Variants in GRID1 observed in about 807,000 individuals in gnomAD.
The protein encoded by GRID1 is glutamate receptor ionotropic, delta-1.
A neutral mutation model predicts 98.0 loss-of-function variants in GRID1; 28 were observed. The observed-to-expected ratio is 0.29, with a 90% CI of 0.21 to 0.39. The LOEUF (loss-of-function observed/expected upper bound fraction) is 0.39, where lower values mean the gene tolerates loss of function less well. GRID1 is among the 10% of genes least tolerant of loss of function. The pLI, the probability that GRID1 is intolerant of heterozygous loss-of-function variation, is 1.00. For synonymous variants in GRID1, 553 were observed against 538.5 expected (o/e 1.03, Z -0.37); for missense variants, 1,111 against 1,340.5 (o/e 0.83, Z 2.67).
chr10:86,153,154 C>G (rs188824290), intron 3 of GRID1, among the ~76,000 whole-genome samples: 1 of 152,240 alleles, frequency 6.6e-6, no homozygotes, highest in African/African-American at 2.4e-5. Context: ...GGTGCCAGGT[C>G]AGGTGGCATC....
chr10:85,993,078 C>T (rs970304605), intron 4 of GRID1, among the ~76,000 whole-genome samples: 13 of 152,276 alleles, frequency 8.5e-5, no homozygotes, highest in African/African-American at 2.4e-4. Context: ...CTGAGGGACA[C>T]GGAATGTGAA....
intron 8 of GRID1, among the ~76,000 whole-genome samples, chr10:85,773,220 A>C (rs1842291835): frequency 6.6e-6 from 1 of 152,130 alleles, no homozygotes; most frequent in Admixed American, 6.5e-5. Flanking sequence ...CAAAGACAAA[A>C]ACCACATGAT....
At chr10:86,154,744 G>A (rs139469333) in intron 3 of GRID1, among the ~76,000 whole-genome samples, 410 of 152,278 alleles carry the variant, frequency 2.7e-3, no homozygotes, top group African/African-American at 9.0e-3. Context: ...GCCCACACCT[G>A]AGCTAGGCTG....
chr10:86,014,830 T>C (rs1353303294), intron 4 of GRID1, among the ~76,000 whole-genome samples: 1 of 152,208 alleles, frequency 6.6e-6, no homozygotes, highest in South Asian at 2.1e-4. Flanking sequence ...CGCTGGCCTC[T>C]TATCTGATTG....
In GRID1 at chr10:86,264,820, C is replaced by A. The variant is rs1589431156; in HGVS notation, c.236-58172G>T. 4.3e-6 allele frequency: 2 copies of A among 467,890 alleles called. 1 individual carries two copies. Among genetic ancestry groups the A allele is most frequent in the South Asian group, 3.1e-5 (2 of 63,626 alleles). The allele number at this position is 467,890 out of a possible 1,614,324, so 29.0% of individuals were successfully genotyped here. ...ACGCTCGTCTGTGTCACCGCCGCCC[C>A]TTCCTGGTTGGCCCTGCAGACGAGG... On this transcript the variant is annotated intron_variant, in intron 2 of 15. Transcript: ENST00000327946.
chr10:86,215,894 T>A (rs1846170776), intron 2 of GRID1, among the ~76,000 whole-genome samples: 1 of 152,148 alleles, frequency 6.6e-6, no homozygotes, highest in South Asian at 2.1e-4. Flanking sequence ...GTTTGTGAGA[T>A]CCTCCACCGC....
chr10:85,692,421 G>C (rs776006271), intron 12 of GRID1, among the ~76,000 whole-genome samples: 1 of 152,122 alleles, frequency 6.6e-6, no homozygotes. Flanking sequence ...CAGCACTTTG[G>C]GAGGCTGAGG....
intron 2 of GRID1, among the ~76,000 whole-genome samples, chr10:86,238,231 A>G (rs1406206844): frequency 1.3e-5 from 2 of 152,252 alleles, no homozygotes; most frequent in Non-Finnish European, 1.5e-5. Context: ...AGACCTTTGC[A>G]GCAGCCCTCC....
chr10:85,816,747 T>G (rs1842719947), intron 8 of GRID1, among the ~76,000 whole-genome samples: 1 of 152,322 alleles, frequency 6.6e-6, no homozygotes. Context: ...TGCAGGTTTG[T>G]TATATAGGTA....
chr10:85,830,543 T>A (rs1369384190), intron 8 of GRID1, among the ~76,000 whole-genome samples: 1 of 962 alleles, frequency 1.0e-3, no homozygotes, highest in Non-Finnish European at 2.0e-3. Context: ...GGGAGAAAAA[T>A]TTTGCAAACT....
chr10:85,994,159 A>G (rs1028968730), intron 4 of GRID1, among the ~76,000 whole-genome samples: 1 of 152,216 alleles, frequency 6.6e-6, no homozygotes, highest in African/African-American at 2.4e-5. Flanking sequence ...TGAGCAAACC[A>G]GACCCAGAAA....
intron 12 of GRID1, among the ~76,000 whole-genome samples, chr10:85,699,676 C>A (rs140215053): frequency 4.3e-4 from 65 of 152,128 alleles, no homozygotes; most frequent in Non-Finnish European, 1.5e-4. Context: ...AAGTTTATTT[C>A]TTTACATTGA....
rs959800139 is a variant in GRID1 at position 85,836,682 on chromosome 10, A to C, written c.1233+17814T>G. ...CATGGCCAGGTACAGCTATCTCCCT[A>C]GGCTCAACTTCCTCCTAAATAAGAG... On this transcript the variant is annotated intron_variant, in intron 8 of 15. Coordinates refer to ENST00000327946, the MANE Select transcript of GRID1 (RefSeq NM_017551.3). Among the ~76,000 whole-genome samples, 62 of 152,190 alleles carry C rather than the reference A, an allele frequency of 4.1e-4. 1 individual carries two copies. Among genetic ancestry groups the C allele is most frequent in the African/African-American group, 1.4e-3 (60 of 41,444 alleles).
chr10:85,887,973 G>C (rs896258741), intron 5 of GRID1, among the ~76,000 whole-genome samples: 1 of 151,676 alleles, frequency 6.6e-6, no homozygotes, highest in Non-Finnish European at 1.5e-5. Context: ...TCCTCCTACA[G>C]CCTCTTCTAC....
intron 4 of GRID1, among the ~76,000 whole-genome samples, chr10:86,058,186 C>T (rs540852346): frequency 5.3e-5 from 8 of 152,080 alleles, no homozygotes; most frequent in Non-Finnish European, 1.5e-5. Context: ...CCTCCCCCAG[C>T]CCTCCTATGG....
chr10:86,155,285 G>A (rs1042978231), intron 3 of GRID1, among the ~76,000 whole-genome samples: 1 of 152,196 alleles, frequency 6.6e-6, no homozygotes, highest in African/African-American at 2.4e-5. Context: ...TTTGGCTGTC[G>A]ACGGCCAACC....
chr10:85,634,290 C>CTCTCTT (rs1843011054), intron 13 of GRID1, among the ~76,000 whole-genome samples: 1 of 123,200 alleles, frequency 8.1e-6, no homozygotes, highest in African/African-American at 3.7e-5. Flanking sequence ...CTCTCTCTCT[C>CTCTCTT]TCACACACAC....
intron 4 of GRID1, among the ~76,000 whole-genome samples, chr10:86,071,985 G>C (rs887236803): frequency 6.6e-6 from 1 of 152,216 alleles, no homozygotes; most frequent in African/African-American, 2.4e-5. Context: ...CAAGAGAGGG[G>C]AGAAGGGGCT....
intron 2 of GRID1, among the ~76,000 whole-genome samples, chr10:86,207,848 T>C (rs770513197): frequency 2.0e-4 from 31 of 152,044 alleles, no homozygotes; most frequent in Non-Finnish European, 4.3e-4. Context: ...GCCAGGATGG[T>C]CTCGATCTCC....
Sources: allele counts gnomAD v4.1 joint callset (sites outside exome capture counted in the v4.1 genomes callset), GRCh38; gene constraint gnomAD v4.1.1; transcripts MANE v1.5; gene names NCBI Gene and HGNC (gene_info 2026-07-23, HGNC 2026-07-21).